VAV1: variants seen among roughly 807,000 people sequenced by gnomAD.
VAV1 encodes the protein proto-oncogene vav.
Under a neutral mutation model 128.1 loss-of-function variants are expected in VAV1, and 33 were observed. The ratio of observed to expected loss-of-function variants is 0.26; its 90% CI spans 0.20 to 0.34. The LOEUF (loss-of-function observed/expected upper bound fraction) is 0.34. VAV1 is among the 10% of genes least tolerant of loss of function. The probability of loss-of-function intolerance (pLI) is 1.00; values close to 1 mark genes in which losing one functional copy is unlikely to be tolerated. For missense variants in VAV1, 715 were observed against 1,093.7 expected (o/e 0.65, Z 4.88); for synonymous variants, 394 against 409.8 (o/e 0.96, Z 0.47).
At chr19:6,821,920 G>C (rs906331) in intron 4 of VAV1, 61 bp downstream of exon 4, 291,439 of 1,604,348 alleles carry the variant, frequency 0.18, 29,281 homozygotes, top group African/African-American at 0.41. Flanking sequence ...GGTGGAGGGT[G>C]TGGGGGGACA....
At chr19:6,773,346 T>C (rs1490044789) in intron 1 of VAV1, among the ~76,000 whole-genome samples, 5 of 151,510 alleles carry the variant, frequency 3.3e-5, no homozygotes, top group African/African-American at 4.9e-5. Context: ...TCGGGGGAGC[T>C]CCCCAGAACC....
At chr19:6,830,058 T>G in intron 14 of VAV1, 140 bp downstream of exon 14, 2 of 1,381,562 alleles carry the variant, frequency 1.4e-6, no homozygotes, top group Non-Finnish European at 2.0e-6. Context: ...TTTTTGTTTG[T>G]TTGTTTTGTT....
intron 1 of VAV1, among the ~76,000 whole-genome samples, chr19:6,811,715 A>G (rs1302396582): frequency 6.6e-6 from 1 of 152,194 alleles, no homozygotes; most frequent in Admixed American, 6.5e-5. Context: ...ATGGAGATCC[A>G]TGAGGTCTCT....
At chr19:6,805,094 G>A (rs1007470879) in intron 1 of VAV1, among the ~76,000 whole-genome samples, 3 of 152,004 alleles carry the variant, frequency 2.0e-5, no homozygotes, top group South Asian at 2.1e-4. Context: ...CCAGGGAAGG[G>A]GTAGTAACTT....
chr19:6,845,711 T>C (rs1208292132), intron 22 of VAV1, among the ~76,000 whole-genome samples: 1 of 149,166 alleles, frequency 6.7e-6, no homozygotes, highest in African/African-American at 2.4e-5. Flanking sequence ...TATTATATTA[T>C]ACCATACACA....
At chr19:6,800,522 C>T (rs888306900) in intron 1 of VAV1, among the ~76,000 whole-genome samples, 9 of 151,936 alleles carry the variant, frequency 5.9e-5, no homozygotes, top group South Asian at 2.1e-4. Context: ...GTTGGCCAGG[C>T]GCGTCTCAAA....
rs375093400 is a variant in VAV1, at chr19:6,852,610, A to T, written c.2218-355A>T. On this transcript the variant is annotated intron_variant, in intron 24 of 26. Coordinates refer to ENST00000602142, the MANE Select transcript of VAV1 (RefSeq NM_005428.4). The stretch of plus-strand genomic sequence containing the variant: ...GTGGCGGGCGCCTGTAGTCCCAGCT[A>T]CTCGGGAGGCTGAGGCAGGAGAATG... Among the ~76,000 whole-genome samples the T allele has an allele frequency of 3.3e-3, 495 of 151,594 alleles. 1 individual carries two copies. Among genetic ancestry groups the T allele is most frequent in the Middle Eastern group, 0.014 (4 of 294 alleles).
chr19:6,835,741 C>G (rs1356851721), intron 19 of VAV1: 1 of 152,182 alleles, frequency 6.6e-6, no homozygotes, highest in Admixed American at 6.6e-5. Flanking sequence ...TATAGTATTC[C>G]ATTATGTGAT....
intron 23 of VAV1, among the ~76,000 whole-genome samples, chr19:6,848,941 G>A (rs899813271): frequency 6.6e-6 from 1 of 151,346 alleles, no homozygotes; most frequent in Non-Finnish European, 1.5e-5. Flanking sequence ...CTATAGGTGT[G>A]CACCACCACA....
Position 6,825,423 on chromosome 19 carries a change from C to A in VAV1, c.827+17C>A. The A allele has an allele frequency of 6.3e-7, 1 of 1,599,936 alleles. No individual in the cohort carries two copies. The highest frequency in any genetic ancestry group is 8.6e-7 in the Non-Finnish European group (1 of 1,169,158). ...CAAGGAGAGGTGAGACCCAGCTGGC[C>A]AGACTGAAGCTCTGGGGTCACTCTG... On this transcript the variant is annotated intron_variant, in intron 8 of 26. Coordinates refer to ENST00000602142, the MANE Select transcript of VAV1 (RefSeq NM_005428.4).
chr19:6,817,926 T>C (rs1380240881), intron 1 of VAV1, among the ~76,000 whole-genome samples: 4 of 152,160 alleles, frequency 2.6e-5, no homozygotes, highest in Non-Finnish European at 4.4e-5. Context: ...GACCTCGTGA[T>C]CCGCCCGCCT....
chr19:6,849,285 C>CTTTTTTTT (rs4029439), intron 23 of VAV1, among the ~76,000 whole-genome samples: 2 of 92,174 alleles, frequency 2.2e-5, no homozygotes, highest in African/African-American at 1.2e-4. Context: ...TGTTTCCAGC[C>CTTTTTTTT]TTTTTTTTTT....
At position 6,777,254 on chromosome 19, in the gene VAV1, CA is replaced by C. The variant is rs1970666263; in HGVS notation, c.204+4244del. The stretch of plus-strand genomic sequence containing the variant: ...TTAACTATCCATCCATCCATCCATC[CA>C]TCCATCCATCCATCCATCCATCCAT... On this transcript the variant is annotated intron_variant, in intron 1 of 26. Coordinates refer to ENST00000602142, the MANE Select transcript of VAV1 (RefSeq NM_005428.4). The surrounding 1 kb of genome is among the most constrained non-coding windows in gnomAD (Gnocchi z 4.4). Among the ~76,000 whole-genome samples the C allele has an allele frequency of 6.6e-6, 1 of 151,294 alleles. No individual in the cohort carries two copies. The highest frequency in any genetic ancestry group is 1.5e-5 in the Non-Finnish European group (1 of 67,726).
At position 6,821,940 on chromosome 19, in the gene VAV1, C is replaced by T. The variant is rs56177797; in HGVS notation, c.449+81C>T. The T allele has an allele frequency of 3.6e-3, 5,596 of 1,573,822 alleles. 34 individuals carry two copies. The highest frequency in any genetic ancestry group is 0.016 in the Middle Eastern group (95 of 5,954). ...AGGGTGTGGGGGGACATGGCCTTGC[C>T]CTCCGGGAAATAAGGTCATACCCTG... On this transcript the variant is annotated intron_variant, in intron 4 of 26. Coordinates refer to ENST00000602142, the MANE Select transcript of VAV1 (RefSeq NM_005428.4).
chr19:6,783,853 G>A (rs947907865), intron 1 of VAV1, among the ~76,000 whole-genome samples: 4 of 152,090 alleles, frequency 2.6e-5, no homozygotes, highest in African/African-American at 9.7e-5. Context: ...CTGGAGCTGG[G>A]GATAAAAAGG....
intron 23 of VAV1, among the ~76,000 whole-genome samples, chr19:6,849,626 T>A (rs1330264556): frequency 6.6e-6 from 1 of 151,978 alleles, no homozygotes; most frequent in East Asian, 1.9e-4. Context: ...ATTATTCCCA[T>A]CTTTATGTCC....
intron 1 of VAV1, among the ~76,000 whole-genome samples, chr19:6,786,882 G>A (rs1970905024): frequency 6.6e-6 from 1 of 151,648 alleles, no homozygotes; most frequent in African/African-American, 2.4e-5. Context: ...TATTATTTTT[G>A]GTATTCCGCA....
At position 6,820,738 on chromosome 19, in the gene VAV1, A is replaced by G. The variant is rs776870760; in HGVS notation, c.241A>G (p.Thr81Ala). Residue 81 changes from threonine to alanine, a missense_variant, in exon 2 of 27, where the codon ACC (threonine) becomes GCC (alanine). By Grantham distance (58) the Thr-to-Ala change is moderately conservative (BLOSUM62 0). Transcript: ENST00000602142. The surrounding 1 kb of genome is among the most constrained non-coding windows in gnomAD (Gnocchi z 4.4). ...CLKNIRTFLS[T>A]CCEKFGLKRS... Reference sequence around the variant, plus strand: ...TAAGAACATTAGAACCTTCCTGTCCACCTGCTGTGAGAAGTTCGGCCTCAA... The same window carrying G: ...TAAGAACATTAGAACCTTCCTGTCCGCCTGCTGTGAGAAGTTCGGCCTCAA... The G allele has an allele frequency of 6.2e-7, 1 of 1,614,104 alleles. No homozygotes were observed. Among genetic ancestry groups the G allele is most frequent in the Non-Finnish European group, 8.5e-7 (1 of 1,180,014 alleles).
chr19:6,782,882 C>T (rs369979109), intron 1 of VAV1, among the ~76,000 whole-genome samples: 8 of 146,358 alleles, frequency 5.5e-5, no homozygotes, highest in East Asian at 4.1e-4. Flanking sequence ...GATCCTGTCT[C>T]GGAAGAAAAA....
Sources: gnomAD v4.1 joint callset for allele counts (sites outside exome capture counted in the v4.1 genomes callset) on GRCh38, gnomAD v4.1.1 for gene constraint, Gnocchi (gnomAD v3.1) non-coding constraint, MANE v1.5 for transcripts, NCBI Gene and HGNC (gene_info 2026-07-23, HGNC 2026-07-21) for gene names.